Variants in PAK2 observed in about 807,000 individuals in gnomAD.
The protein encoded by PAK2 is p21 (RAC1) activated kinase 2.
Under a neutral mutation model 65.9 loss-of-function variants are expected in PAK2, and 21 were observed. The ratio of observed to expected loss-of-function variants is 0.32; its 90% CI spans 0.23 to 0.46. PAK2 has a LOEUF of 0.46. Ranked by LOEUF, PAK2 falls within the 20% of genes least tolerant of loss-of-function variation. The pLI is 1.00. For missense variants in PAK2, 324 were observed against 642.6 expected (o/e 0.50, Z 5.36); for synonymous variants, 204 against 219.7 (o/e 0.93, Z 0.63).
At chr3:196,794,539 T>C (rs1715186609) in intron 2 of PAK2, among the ~76,000 whole-genome samples, 1 of 152,208 alleles carries the variant, frequency 6.6e-6, no homozygotes, top group South Asian at 2.1e-4. Context: ...AAAAGTGAGA[T>C]TGAAGAAGAC....
At chr3:196,786,966 A>T (rs1440420077) in intron 2 of PAK2, among the ~76,000 whole-genome samples, 1 of 152,038 alleles carries the variant, frequency 6.6e-6, no homozygotes, top group Non-Finnish European at 1.5e-5. Context: ...TTGGGACTAC[A>T]GGTGCACAAC....
At chr3:196,794,805 GT>G (rs1715195624) in intron 2 of PAK2, among the ~76,000 whole-genome samples, 1 of 152,134 alleles carries the variant, frequency 6.6e-6, no homozygotes, top group Admixed American at 6.5e-5. Flanking sequence ...CACCCTTCCT[GT>G]ACTGCTACCA....
At chr3:196,755,858 C>T (rs1195360544) in intron 1 of PAK2, among the ~76,000 whole-genome samples, 8 of 151,426 alleles carry the variant, frequency 5.3e-5, no homozygotes, top group African/African-American at 9.7e-5. Context: ...TGGGTTCAGG[C>T]GATTCTGCTG....
chr3:196,754,677 C>T (rs1035060899), intron 1 of PAK2, among the ~76,000 whole-genome samples: 1 of 152,198 alleles, frequency 6.6e-6, no homozygotes, highest in Non-Finnish European at 1.5e-5. Flanking sequence ...CTAAACCTCC[C>T]AGGAAGCAGT....
chr3:196,750,207 C>G (rs968727480), intron 1 of PAK2, among the ~76,000 whole-genome samples: 4 of 152,008 alleles, frequency 2.6e-5, no homozygotes, highest in East Asian at 3.9e-4. Context: ...CCAGGTTGGT[C>G]TCGAACTCCT....
intron 1 of PAK2, among the ~76,000 whole-genome samples, chr3:196,754,719 G>T (rs1466941433): frequency 6.6e-6 from 1 of 152,122 alleles, no homozygotes; most frequent in Non-Finnish European, 1.5e-5. Flanking sequence ...CCCTTACACA[G>T]CCCCGCTGGA....
intron 4 of PAK2, among the ~76,000 whole-genome samples, chr3:196,803,546 C>T (rs1198200085): frequency 2.0e-5 from 3 of 151,974 alleles, no homozygotes; most frequent in Non-Finnish European, 4.4e-5. Context: ...TTATTGTTAG[C>T]GGGACAAGAG....
At chr3:196,751,062 C>T (rs1476117082) in intron 1 of PAK2, among the ~76,000 whole-genome samples, 1 of 152,080 alleles carries the variant, frequency 6.6e-6, no homozygotes, top group Non-Finnish European at 1.5e-5. Context: ...CCCCCAGTAG[C>T]CTATCTCTAA....
chr3:196,764,822 ATTTTC>A (rs1324362874), intron 1 of PAK2, among the ~76,000 whole-genome samples: 1 of 144,592 alleles, frequency 6.9e-6, no homozygotes, highest in Non-Finnish European at 1.5e-5. Context: ...CCGACCCCAA[ATTTTC>A]TTTTCTTTTC....
At chr3:196,763,331 G>A (rs553728270) in intron 1 of PAK2, among the ~76,000 whole-genome samples, 1 of 152,178 alleles carries the variant, frequency 6.6e-6, no homozygotes, top group African/African-American at 2.4e-5. Context: ...CCCTATTGGA[G>A]TCTGATGCTG....
At chr3:196,786,802 G>T (rs1714902868) in intron 2 of PAK2, among the ~76,000 whole-genome samples, 1 of 151,092 alleles carries the variant, frequency 6.6e-6, no homozygotes, top group Non-Finnish European at 1.5e-5. Flanking sequence ...GTAGCACCCT[G>T]TCTTGATTAC....
At position 196,812,063 on chromosome 3, in the gene PAK2, C is replaced by A. The variant is rs193250457; in HGVS notation, c.774-156C>A. Among the ~76,000 whole-genome samples the A allele has an allele frequency of 1.4e-4, 22 of 152,156 alleles. No individual in the cohort carries two copies. The East Asian group carries it at 4.3e-3, about 29-fold the overall frequency. ...AGGATTGTCTCTTTCTTCCCCCACC[C>A]CCTTTCCTCAGGTTTTTGCTTTTAC... On this transcript the variant is annotated intron_variant, in intron 8 of 14. Transcript: ENST00000327134.
chr3:196,769,803 C>T (rs913603881), intron 1 of PAK2, among the ~76,000 whole-genome samples: 3 of 151,586 alleles, frequency 2.0e-5, no homozygotes, highest in Admixed American at 6.6e-5. Context: ...GGCGACAGAG[C>T]GAGACTCTGT....
rs1239979366 is a variant in PAK2, at chr3:196,745,471, G to A, written c.-22+5314G>A. 3.3e-5 allele frequency among the ~76,000 whole-genome samples: 5 copies of A among 151,850 alleles called. No homozygotes were observed. The East Asian group carries it at 7.7e-4, about 23-fold the overall frequency. Reference sequence around the variant, plus strand: ...TTCTGGAATTTTTTCATGCCTGGTGGGGATAAAAGAGTTTTAAAATAGTTT... The same window carrying A: ...TTCTGGAATTTTTTCATGCCTGGTGAGGATAAAAGAGTTTTAAAATAGTTT... On this transcript the variant is annotated intron_variant, in intron 1 of 14. Transcript: ENST00000327134.
chr3:196,755,759 T>A (rs774523881), intron 1 of PAK2, among the ~76,000 whole-genome samples: 23 of 150,568 alleles, frequency 1.5e-4, no homozygotes, highest in African/African-American at 3.4e-4. Flanking sequence ...CACCCAGACT[T>A]CTTCTTTTTT....
Position 196,757,766 on chromosome 3 carries a change from CT to C in PAK2, c.-22+17611del, listed in dbSNP as rs1185599306. ...ATGTTCCTGTTGCCTGGAATCCCGTCTTCTGGTCAGGAAGATGATCTGCGAT... is the reference window on the plus strand; with the variant it reads ...ATGTTCCTGTTGCCTGGAATCCCGTCTCTGGTCAGGAAGATGATCTGCGAT... On this transcript the variant is annotated intron_variant, in intron 1 of 14. Coordinates refer to ENST00000327134, the MANE Select transcript of PAK2 (RefSeq NM_002577.4). Among the ~76,000 whole-genome samples the C allele has an allele frequency of 2.0e-5, 3 of 152,136 alleles. No individual in the cohort carries two copies. In the East Asian group the frequency reaches 5.8e-4, roughly 29 times the overall value.
At position 196,779,426 on chromosome 3, in the gene PAK2, C is replaced by T. The variant is rs576658524; in HGVS notation, c.-21-3200C>T. Among the ~76,000 whole-genome samples, 41 of 152,270 alleles carry T rather than the reference C, an allele frequency of 2.7e-4. 1 individual carries two copies. The highest frequency in any genetic ancestry group is 9.9e-4 in the African/African-American group (41 of 41,548). On this transcript the variant is annotated intron_variant, in intron 1 of 14. Transcript: ENST00000327134. ...TTCCCTTTCCCATGCCTAGAGTCAG[C>T]CATTCCTTCAAGGAGTCATGAGACG...
chr3:196,804,846 CACACACACATAT>C (rs1471399149), intron 4 of PAK2, among the ~76,000 whole-genome samples: 12 of 148,368 alleles, frequency 8.1e-5, no homozygotes, highest in African/African-American at 3.0e-4. Flanking sequence ...TATATATATA[CACACACACATAT>C]ACACACACAC....
intron 1 of PAK2, among the ~76,000 whole-genome samples, chr3:196,750,858 C>CTT (rs1466533679): frequency 1.3e-5 from 2 of 150,914 alleles, no homozygotes; most frequent in Non-Finnish European, 3.0e-5. Flanking sequence ...TTAATTGTTG[C>CTT]TTTTTTTAAT....
Sources: allele counts gnomAD v4.1 joint callset (sites outside exome capture counted in the v4.1 genomes callset), GRCh38; gene constraint gnomAD v4.1.1; transcripts MANE v1.5; gene names NCBI Gene and HGNC (gene_info 2026-07-23, HGNC 2026-07-21).